ZNF77: variants seen among roughly 807,000 people sequenced by gnomAD.
The protein encoded by ZNF77 is ZNFpT1.
A neutral mutation model predicts 13.5 loss-of-function variants in ZNF77; 15 were observed. That is an observed-to-expected ratio of 1.11 (90% CI 0.74 to 1.71). The LOEUF is 1.71. Ranked by LOEUF, ZNF77 falls within the 40% of genes most tolerant of loss-of-function variation. The pLI, the probability that ZNF77 is intolerant of heterozygous loss-of-function variation, is 0.00. For synonymous variants in ZNF77, 282 were observed against 250.0 expected (o/e 1.13, Z -1.21); for missense variants, 717 against 676.4 (o/e 1.06, Z -0.67).
At chr19:2,938,080 G>A (rs1253025729) in intron 2 of ZNF77, among the ~76,000 whole-genome samples, 4 of 152,030 alleles carry the variant, frequency 2.6e-5, no homozygotes, top group East Asian at 1.9e-4. Context: ...TCTAACCCAC[G>A]ATGCCAAACG....
At chr19:2,943,872 G>A (rs1332848411) in intron 1 of ZNF77, among the ~76,000 whole-genome samples, 2 of 151,774 alleles carry the variant, frequency 1.3e-5, no homozygotes, top group Admixed American at 6.6e-5. Context: ...ACCACGCCGG[G>A]CTAATTTTTG....
At chr19:2,936,129 G>A (rs567785511) in intron 3 of ZNF77, among the ~76,000 whole-genome samples, 266 of 151,974 alleles carry the variant, frequency 1.8e-3, no homozygotes, top group African/African-American at 6.2e-3. Context: ...GTCTCTGTGG[G>A]TCTGAAATTG....
In ZNF77 at chr19:2,933,734, C is replaced by T. The variant is rs755151440; in HGVS notation, c.1393G>A (p.Glu465Lys). ...VRTHSGEKPYECNQCGKAFSH... is the reference protein window; with the variant it reads ...VRTHSGEKPYKCNQCGKAFSH... Reference sequence around the variant, plus strand: ...AAGGCTTTCCCACATTGATTACATTCGTACGGTTTCTCTCCGCTGTGGGTT... The same window carrying T: ...AAGGCTTTCCCACATTGATTACATTTGTACGGTTTCTCTCCGCTGTGGGTT... Residue 465 changes from glutamate to lysine, a missense_variant, in exon 4 of 4, where the codon GAA (glutamate) becomes AAA (lysine). By Grantham distance (56) the Glu-to-Lys change is moderately conservative. Transcript: ENST00000314531. The T allele has an allele frequency of 2.5e-6, 4 of 1,612,186 alleles. No individual in the cohort carries two copies. The highest frequency in any genetic ancestry group is 3.3e-5 in the Admixed American group (2 of 59,914).
At chr19:2,941,684 C>T (rs781158231) in intron 1 of ZNF77, among the ~76,000 whole-genome samples, 1 of 152,116 alleles carries the variant, frequency 6.6e-6, no homozygotes, top group Non-Finnish European at 1.5e-5. Flanking sequence ...ATAAATTGTT[C>T]GTCAGTCCCC....
rs1310524081 is a variant in ZNF77, at chr19:2,933,843, C to T, written c.1284G>A (p.Arg428=). Residue 428 remains arginine (R), a synonymous_variant, in exon 4 of 4, where the codon AGG becomes AGA. Coordinates refer to ENST00000314531, the MANE Select transcript of ZNF77 (RefSeq NM_021217.3). ...CAAAGGGCTTCTCTCCAGTATGCGT[C>T]CTCACGTGGATTCGAAGGGAGGAGG... The part of the protein sequence containing the change: ...SFSSSLRIHV[R]THTGEKPFEC... The T allele has an allele frequency of 6.2e-7, 1 of 1,613,020 alleles. No individual in the cohort carries two copies. The highest frequency in any genetic ancestry group is 8.5e-7 in the Non-Finnish European group (1 of 1,179,546).
In ZNF77 at chr19:2,939,255, C is replaced by T. The variant is rs142390051; in HGVS notation, c.130+26G>A. 2.2e-4 allele frequency: 332 copies of T among 1,535,988 alleles called. 17 individuals carry two copies. In the African/African-American group the frequency reaches 4.7e-3, roughly 22 times the overall value. ...ATGACGCCACCCTTACCCAAGGAGG[C>T]AGTGAGGGAATGACACCACCCTTAC... On this transcript the variant is annotated intron_variant, in intron 2 of 3. Transcript: ENST00000314531.
intron 3 of ZNF77, among the ~76,000 whole-genome samples, chr19:2,935,503 T>TG (rs1251577281): frequency 5.3e-5 from 8 of 149,738 alleles, no homozygotes; most frequent in Non-Finnish European, 1.2e-4. Flanking sequence ...CGTATTTTTT[T>TG]TTTTTTCAGT....
chr19:2,934,314 C>G lies in ZNF77; in HGVS notation c.813G>C (p.Lys271Asn). The G allele has an allele frequency of 6.2e-7, 1 of 1,613,716 alleles. No homozygotes were observed. Among genetic ancestry groups the G allele is most frequent in the Non-Finnish European group, 8.5e-7 (1 of 1,179,648 alleles). ...THTGEKPYEC[K>N]ECGKAFSCPS... ...GACAGCTGAAGGCTTTCCCACACTCCTTACACTCATAGGGTTTCTCTCCTG... is the reference window on the plus strand; with the variant it reads ...GACAGCTGAAGGCTTTCCCACACTCGTTACACTCATAGGGTTTCTCTCCTG... Residue 271 changes from lysine (K) to asparagine (N), a missense_variant, in exon 4 of 4, where the codon AAG (lysine) becomes AAC (asparagine). By Grantham distance (94) the Lys-to-Asn change is moderately conservative. Coordinates refer to ENST00000314531, the MANE Select transcript of ZNF77 (RefSeq NM_021217.3).
At position 2,934,341 on chromosome 19, in the gene ZNF77, G is replaced by A. The variant is rs2088375134; in HGVS notation, c.786C>T (p.His262=). The A allele has an allele frequency of 1.2e-6, 2 of 1,614,076 alleles. No individual in the cohort carries two copies. Among genetic ancestry groups the A allele is most frequent in the Admixed American group, 1.7e-5 (1 of 59,994 alleles). The change falls in exon 4 of 4, where the codon CAC becomes CAT. Residue 262 remains histidine, a synonymous_variant. Coordinates refer to ENST00000314531, the MANE Select transcript of ZNF77 (RefSeq NM_021217.3). ...TACACTCATAGGGTTTCTCTCCTGT[G>A]TGAGTTCTTACGTGCCGTGTAAGGT... The part of the protein sequence containing the change: ...YSYLTRHVRT[H]TGEKPYECKE...
chr19:2,933,344 GAGATTTCT>G lies in ZNF77; in HGVS notation c.*137_*144del. The G allele has an allele frequency of 1.1e-6, 1 of 933,504 alleles. No homozygotes were observed. The highest frequency in any genetic ancestry group is 1.6e-6 in the Non-Finnish European group (1 of 644,192). The allele number at this position is 933,504 out of a possible 1,614,324, so 57.8% of individuals were successfully genotyped here. A position where few individuals can be genotyped will look rare whatever the true frequency, so the allele number is the denominator to read the frequency against. ...GCAATACCATATTAATCATAATTAA[GAGATTTCT>G]CTCCTACTCTGAATTTTTAGGTACA... On this transcript the variant is annotated 3_prime_UTR_variant, in exon 4 of 4. Transcript: ENST00000314531.
chr19:2,944,396 TC>T (rs1305035558), intron 1 of ZNF77, among the ~76,000 whole-genome samples: 6 of 131,976 alleles, frequency 4.5e-5, no homozygotes, highest in Non-Finnish European at 9.5e-5. Flanking sequence ...CCTCAAACTG[TC>T]CCCGAGTTCC....
In ZNF77 at chr19:2,936,707, G is replaced by T. The variant is rs2088401325; in HGVS notation, c.131-3C>A. ...GGTTCTAACATAAATGTAACAATCTGCAACAATCAATTACACAATTTCTTA... is the reference window on the plus strand; with the variant it reads ...GGTTCTAACATAAATGTAACAATCTTCAACAATCAATTACACAATTTCTTA... On this transcript the variant is annotated splice_polypyrimidine_tract_variant and splice_region_variant and intron_variant, in intron 2 of 3. Coordinates refer to ENST00000314531, the MANE Select transcript of ZNF77 (RefSeq NM_021217.3). The T allele has an allele frequency of 1.3e-6, 2 of 1,597,254 alleles. No individual in the cohort carries two copies. Among genetic ancestry groups the T allele is most frequent in the East Asian group, 2.3e-5 (1 of 44,148 alleles).
At chr19:2,939,843 G>T in intron 1 of ZNF77, 1 of 195,364 alleles carries the variant, frequency 5.1e-6, no homozygotes. Context: ...AACCAGCCAT[G>T]GTGGTACACA....
chr19:2,940,481 T>C (rs1211435909), intron 1 of ZNF77, among the ~76,000 whole-genome samples: 1 of 152,092 alleles, frequency 6.6e-6, no homozygotes, highest in African/African-American at 2.4e-5. Flanking sequence ...AAGACCATCC[T>C]GGCCAACATG....
chr19:2,937,563 A>G (rs1386691864), intron 2 of ZNF77, among the ~76,000 whole-genome samples: 1 of 152,132 alleles, frequency 6.6e-6, no homozygotes. Context: ...AAACAGATGG[A>G]GACTGATGTT....
At chr19:2,939,685 C>A in intron 1 of ZNF77, 1 of 413,758 alleles carries the variant, frequency 2.4e-6, no homozygotes, top group East Asian at 5.5e-5. Flanking sequence ...CTGAAAACAT[C>A]ATTAAGCTAA....
At chr19:2,941,452 G>A (rs1245082719) in intron 1 of ZNF77, among the ~76,000 whole-genome samples, 4 of 152,060 alleles carry the variant, frequency 2.6e-5, no homozygotes, top group African/African-American at 4.8e-5. Context: ...ACTCTAGCCT[G>A]GGTGACAGAG....
chr19:2,943,759 G>C (rs933662661), intron 1 of ZNF77, among the ~76,000 whole-genome samples: 3 of 139,734 alleles, frequency 2.1e-5, no homozygotes, highest in Non-Finnish European at 4.5e-5. Context: ...CGCCAGGCTG[G>C]AGTGCAGCGG....
At chr19:2,938,491 T>C (rs1358241549) in intron 2 of ZNF77, among the ~76,000 whole-genome samples, 1 of 152,214 alleles carries the variant, frequency 6.6e-6, no homozygotes, top group Non-Finnish European at 1.5e-5. Context: ...TACTCAGACT[T>C]ATAAAATGTG....
Sources: allele counts gnomAD v4.1 joint callset (sites outside exome capture counted in the v4.1 genomes callset), GRCh38; gene constraint gnomAD v4.1.1; transcripts MANE v1.5; gene names NCBI Gene and HGNC (gene_info 2026-07-23, HGNC 2026-07-21).